Variants in LGSN observed in about 807,000 individuals in gnomAD.
The protein encoded by LGSN is lengsin.
Under a neutral mutation model 19.5 loss-of-function variants are expected in LGSN, and 21 were observed. The observed-to-expected ratio is 1.07, with a 90% CI of 0.76 to 1.55. The LOEUF (loss-of-function observed/expected upper bound fraction) is 1.55, where lower values mean the gene tolerates loss of function less well. Among genes scored for constraint, LGSN ranks in the 40% most tolerant of loss-of-function variants. The probability of loss-of-function intolerance (pLI) is 0.00; values close to 1 mark genes in which losing one functional copy is unlikely to be tolerated. For missense variants in LGSN, 673 were observed against 608.5 expected, an observed-to-expected ratio of 1.11 and a Z score of -1.12; for synonymous variants, 257 against 215.6, an observed-to-expected ratio of 1.19 and a Z score of -1.68.
At chr6:63,386,664 C>T in the LGSN span, among the ~76,000 whole-genome samples, 1 of 152,108 alleles carries the variant, frequency 6.6e-6, no homozygotes, top group Non-Finnish European at 1.5e-5. Flanking sequence ...ATACACTCAA[C>T]ATTGAAGTTC....
At chr6:63,540,467 A>C in the LGSN span, among the ~76,000 whole-genome samples, 2 of 151,918 alleles carry the variant, frequency 1.3e-5, no homozygotes, top group Admixed American at 1.3e-4. Flanking sequence ...CTGAAAGTAC[A>C]AAAATTAGCC....
the LGSN span, among the ~76,000 whole-genome samples, chr6:63,528,313 TG>T: frequency 6.6e-6 from 1 of 152,180 alleles, no homozygotes; most frequent in African/African-American, 2.4e-5. Flanking sequence ...AGAATAGCAT[TG>T]GCTGGGCACA....
the LGSN span, among the ~76,000 whole-genome samples, chr6:63,491,784 A>G: frequency 1.3e-5 from 2 of 152,030 alleles, no homozygotes; most frequent in Non-Finnish European, 2.9e-5. Flanking sequence ...TAATCCCAGC[A>G]CTCTGGGAGG....
At chr6:63,327,411 G>A in the LGSN span, among the ~76,000 whole-genome samples, 20 of 152,240 alleles carry the variant, frequency 1.3e-4, no homozygotes, top group Admixed American at 3.9e-4. Flanking sequence ...GTCTGATTTC[G>A]GAAGCCTTTT....
At chr6:63,570,653 A>G in the LGSN span, among the ~76,000 whole-genome samples, 2 of 152,236 alleles carry the variant, frequency 1.3e-5, no homozygotes, top group Non-Finnish European at 2.9e-5. Context: ...TTGTCCCACC[A>G]AATGTATTTT....
At position 63,280,518 on chromosome 6, in the gene LGSN, A is replaced by C; in HGVS notation, c.1033T>G (p.Leu345Val). ...GCAGAGTGCTTCAAGAGTCCTGCCAACCATTTTTTCCCAGTGATCGTGAGC... is the reference window on the plus strand; with the variant it reads ...GCAGAGTGCTTCAAGAGTCCTGCCACCCATTTTTTCCCAGTGATCGTGAGC... ...EQLTITGKKW[L>V]AGLLKHSAAL... Residue 345 changes from leucine (L) to valine (V), a missense_variant, in exon 4 of 4, where the codon TTG (leucine) becomes GTG (valine). Coordinates refer to ENST00000370657, the MANE Select transcript of LGSN (RefSeq NM_016571.3). 6.2e-7 allele frequency: 1 copy of C among 1,614,100 alleles called. No individual in the cohort carries two copies. Among genetic ancestry groups the C allele is most frequent in the South Asian group, 1.1e-5 (1 of 91,076 alleles).
chr6:63,458,968 T>C, the LGSN span, among the ~76,000 whole-genome samples: 2 of 152,220 alleles, frequency 1.3e-5, no homozygotes, highest in Admixed American at 1.3e-4. Context: ...TGTGAAACCC[T>C]TTGTTTATTC....
At chr6:63,514,540 T>A in the LGSN span, among the ~76,000 whole-genome samples, 2 of 152,206 alleles carry the variant, frequency 1.3e-5, no homozygotes, top group South Asian at 4.1e-4. Context: ...TTTGACGTTT[T>A]ATCATATATT....
the LGSN span, among the ~76,000 whole-genome samples, chr6:63,355,265 T>A: frequency 6.6e-6 from 1 of 151,770 alleles, no homozygotes; most frequent in Non-Finnish European, 1.5e-5. Context: ...TAAAAAAAAA[T>A]GAAAAATAAA....
At chr6:63,572,409 A>G in the LGSN span, 1 of 342,630 alleles carries the variant, frequency 2.9e-6, no homozygotes, top group Non-Finnish European at 5.2e-6. Flanking sequence ...CCGCGGTTCC[A>G]GGCCGCGATT....
At chr6:63,412,529 G>GAAAGAAAGAAAGAAGGAAAGAAAGAAA in the LGSN span, among the ~76,000 whole-genome samples, 5 of 32,396 alleles carry the variant, frequency 1.5e-4, no homozygotes, top group Non-Finnish European at 2.8e-4. Flanking sequence ...AAAGAAAGAA[G>GAAAGAAAGAAAGAAGGAAAGAAAGAAA]GAAAGAAAGA....
At chr6:63,416,959 ATT>A in the LGSN span, among the ~76,000 whole-genome samples, 2 of 150,206 alleles carry the variant, frequency 1.3e-5, no homozygotes, top group African/African-American at 4.9e-5. Flanking sequence ...ACACACACAC[ATT>A]TAACGAAAGT....
the LGSN span, chr6:63,549,374 G>GAA: frequency 1.3e-6 from 1 of 753,950 alleles, no homozygotes; most frequent in East Asian, 2.4e-5. Context: ...CTTTTGGGCT[G>GAA]AATGTCCTGT....
At chr6:63,359,428 C>G in the LGSN span, among the ~76,000 whole-genome samples, 1 of 152,130 alleles carries the variant, frequency 6.6e-6, no homozygotes, top group Non-Finnish European at 1.5e-5. Context: ...CTCCTTGTAC[C>G]TCTGGTAGAA....
the LGSN span, among the ~76,000 whole-genome samples, chr6:63,329,159 A>G: frequency 4.6e-5 from 7 of 152,230 alleles, no homozygotes; most frequent in Admixed American, 6.5e-5. Flanking sequence ...TTGAAGGACC[A>G]GAGTGCCTGG....
chr6:63,366,776 A>T, the LGSN span, among the ~76,000 whole-genome samples: 7 of 152,168 alleles, frequency 4.6e-5, no homozygotes, highest in African/African-American at 7.2e-5. Flanking sequence ...AGCCCTTGGA[A>T]ATAATACCAC....
the LGSN span, among the ~76,000 whole-genome samples, chr6:63,368,382 C>G: frequency 2.6e-5 from 4 of 152,126 alleles, no homozygotes; most frequent in African/African-American, 9.7e-5. Flanking sequence ...CTGACCTAAC[C>G]GTCTGTGGGA....
At chr6:63,337,570 G>A in the LGSN span, among the ~76,000 whole-genome samples, 2 of 151,930 alleles carry the variant, frequency 1.3e-5, no homozygotes, top group Non-Finnish European at 2.9e-5. Flanking sequence ...AGGAGGCCAA[G>A]GCAGGTAGAT....
chr6:63,455,263 C>A, the LGSN span, among the ~76,000 whole-genome samples: 1 of 152,234 alleles, frequency 6.6e-6, no homozygotes, highest in Non-Finnish European at 1.5e-5. Context: ...CTCTCCCTAT[C>A]CTCCCACACC....
Sources: allele counts gnomAD v4.1 joint callset (sites outside exome capture counted in the v4.1 genomes callset), GRCh38; gene constraint gnomAD v4.1.1; transcripts MANE v1.5; gene names NCBI Gene and HGNC (gene_info 2026-07-23, HGNC 2026-07-21).